The following TRHDE variants were observed in gnomAD, a reference collection of about 807,000 sequenced individuals.
TRHDE encodes thyrotropin-releasing hormone-degrading ectoenzyme.
Under a neutral mutation model 125.7 loss-of-function variants are expected in TRHDE, and 72 were observed. That is an observed-to-expected ratio of 0.57 (90% CI 0.47 to 0.70). The LOEUF is 0.70. Ranked by LOEUF, TRHDE falls within the 30% of genes least tolerant of loss-of-function variation. The probability of loss-of-function intolerance (pLI) is 0.00; values close to 1 mark genes in which losing one functional copy is unlikely to be tolerated. For synonymous variants in TRHDE, 509 were observed against 509.1 expected (o/e 1.00, Z 0.00); for missense variants, 1,110 against 1,327.1 (o/e 0.84, Z 2.54).
At position 72,473,665 on chromosome 12, in the gene TRHDE, C is replaced by T. The variant is rs531696678; in HGVS notation, c.1584+485C>T. 3.3e-5 allele frequency among the ~76,000 whole-genome samples: 5 copies of T among 151,936 alleles called. No individual in the cohort carries two copies. The South Asian group carries it at 1.0e-3, about 32-fold the overall frequency. ...CATTAATTTTATATATGAAGTTATT[C>T]ATATTATACCTATACTTTAGGAATG... On this transcript the variant is annotated intron_variant, in intron 5 of 18. Transcript: ENST00000261180.
At chr12:72,279,535 C>G (rs1297658558) in intron 1 of TRHDE, among the ~76,000 whole-genome samples, 1 of 152,200 alleles carries the variant, frequency 6.6e-6, no homozygotes, top group Non-Finnish European at 1.5e-5. Flanking sequence ...TGCATACTTT[C>G]TCCCACAGAT....
rs188586540 is a variant in TRHDE, at chr12:72,597,449, C to T, written c.2322-21442C>T. Among the ~76,000 whole-genome samples, 329 of 151,850 alleles carry T rather than the reference C, an allele frequency of 2.2e-3. 3 individuals are homozygous for T. The highest frequency in any genetic ancestry group is 7.1e-3 in the African/African-American group (294 of 41,416). ...TTGGGAGGCTGAGGCAGGCAGATCA[C>T]CTGAGGTCAGGAGTTCGAGACCAGC... On this transcript the variant is annotated intron_variant, in intron 12 of 18. Coordinates refer to ENST00000261180, the MANE Select transcript of TRHDE (RefSeq NM_013381.3).
chr12:72,119,156 G>A (rs1437484713), intron 2 of TRHDE, among the ~76,000 whole-genome samples: 2 of 151,806 alleles, frequency 1.3e-5, no homozygotes, highest in Non-Finnish European at 2.9e-5. Context: ...TTTTTCTTCT[G>A]TTATGACATA....
intron 2 of TRHDE, among the ~76,000 whole-genome samples, chr12:72,292,876 C>T (rs935574023): frequency 2.0e-5 from 3 of 152,102 alleles, no homozygotes; most frequent in African/African-American, 7.2e-5. Context: ...AAAAAGTAAC[C>T]ATTTTTAATG....
chr12:72,304,644 A>G (rs1215371585), intron 2 of TRHDE, among the ~76,000 whole-genome samples: 1 of 152,184 alleles, frequency 6.6e-6, no homozygotes, highest in Non-Finnish European at 1.5e-5. Context: ...TCTTAAAGCA[A>G]TGTCTGTCTG....
chr12:72,350,347 C>T (rs373451463), intron 2 of TRHDE, among the ~76,000 whole-genome samples: 3 of 151,956 alleles, frequency 2.0e-5, no homozygotes, highest in Admixed American at 6.6e-5. Flanking sequence ...GCAGTAATGG[C>T]GATGATAGCT....
At chr12:72,507,047 C>A (rs531077092) in intron 6 of TRHDE, among the ~76,000 whole-genome samples, 7 of 152,106 alleles carry the variant, frequency 4.6e-5, no homozygotes, top group African/African-American at 1.7e-4. Context: ...CTTGCTCAAG[C>A]CTTGTAAGAT....
intron 12 of TRHDE, among the ~76,000 whole-genome samples, chr12:72,589,061 C>G (rs1167862287): frequency 6.6e-6 from 1 of 152,104 alleles, no homozygotes; most frequent in African/African-American, 2.4e-5. Flanking sequence ...GGGGATCATG[C>G]GAACTACAAG....
At chr12:72,202,371 G>C (rs1877577427) in intron 2 of TRHDE, among the ~76,000 whole-genome samples, 1 of 152,146 alleles carries the variant, frequency 6.6e-6, no homozygotes, top group Admixed American at 6.5e-5. Context: ...TCAATAATAT[G>C]AATTTGGCAT....
Position 72,272,372 on chromosome 12 carries a change from G to A in TRHDE, c.-272G>A, listed in dbSNP as rs1257657195. The A allele has an allele frequency of 3.2e-5, 12 of 377,366 alleles. No individual in the cohort carries two copies. The highest frequency in any genetic ancestry group is 6.2e-5 in the Non-Finnish European group (12 of 194,742). 23.4% of individuals were successfully genotyped at this position (377,366 alleles called of 1,614,324 possible). On this transcript the variant is annotated 5_prime_UTR_variant, in exon 1 of 19. Coordinates refer to ENST00000261180, the MANE Select transcript of TRHDE (RefSeq NM_013381.3). The surrounding 1 kb of genome is among the most constrained non-coding windows in gnomAD (Gnocchi z 6.7). ...GCCCCGCCGCCGGGTGCTCGTCCGA[G>A]AAGTAGCGCGCGCTGGGCAAGCAAG...
chr12:72,607,870 C>A (rs1872512416), intron 12 of TRHDE, among the ~76,000 whole-genome samples: 1 of 152,194 alleles, frequency 6.6e-6, no homozygotes, highest in Admixed American at 6.5e-5. Flanking sequence ...AGCCATCATT[C>A]CCTTTAGCAT....
chr12:72,131,628 T>C (rs1478628917), intron 2 of TRHDE, among the ~76,000 whole-genome samples: 5 of 152,236 alleles, frequency 3.3e-5, no homozygotes, highest in African/African-American at 4.8e-5. Flanking sequence ...GTTAACAAAA[T>C]GATCCTCAAA....
chr12:72,624,165 G>C (rs1873163905), intron 15 of TRHDE, among the ~76,000 whole-genome samples: 1 of 151,880 alleles, frequency 6.6e-6, no homozygotes. Flanking sequence ...GTATTTTTTG[G>C]ATGACAGCTT....
chr12:72,436,177 A>T (rs1272808350), intron 3 of TRHDE, among the ~76,000 whole-genome samples: 1 of 152,006 alleles, frequency 6.6e-6, no homozygotes, highest in Non-Finnish European at 1.5e-5. Context: ...ACTTATTGAA[A>T]ATATTTTTCT....
rs757047976 is a variant in TRHDE at position 72,636,020 on chromosome 12, T to G, written c.2675+14269T>G. Among the ~76,000 whole-genome samples the G allele has an allele frequency of 1.7e-3, 261 of 150,578 alleles. 1 individual carries two copies. Among genetic ancestry groups the G allele is most frequent in the Non-Finnish European group, 3.0e-3 (200 of 66,928 alleles). On this transcript the variant is annotated intron_variant, in intron 15 of 18. Transcript: ENST00000261180. ...TGGTTCCATATGAACTTTAAAGTAG[T>G]TTTTTCCAATTCTGTGAAGAAAGTC...
At chr12:72,213,888 T>A (rs1877834509) in intron 2 of TRHDE, among the ~76,000 whole-genome samples, 1 of 152,168 alleles carries the variant, frequency 6.6e-6, no homozygotes, top group African/African-American at 2.4e-5. Flanking sequence ...ACTAATACTT[T>A]AGATCTCCTT....
intron 2 of TRHDE, among the ~76,000 whole-genome samples, chr12:72,148,398 C>CA (rs377433661): frequency 1.2e-3 from 187 of 151,750 alleles, no homozygotes; most frequent in East Asian, 5.0e-3. Context: ...TTTAAAGTAG[C>CA]AAAAAAAATC....
At chr12:72,142,430 T>G (rs1741255713) in intron 2 of TRHDE, among the ~76,000 whole-genome samples, 1 of 152,192 alleles carries the variant, frequency 6.6e-6, no homozygotes, top group Non-Finnish European at 1.5e-5. Context: ...GGGCTGAAGC[T>G]GCTGCAGACC....
intron 9 of TRHDE, among the ~76,000 whole-genome samples, chr12:72,564,972 C>CT (rs1833751128): frequency 1.3e-5 from 2 of 151,994 alleles, no homozygotes; most frequent in East Asian, 1.9e-4. Flanking sequence ...ATTTTGAACT[C>CT]TGAGAACTTG....
Sources: gnomAD v4.1 joint callset for allele counts (sites outside exome capture counted in the v4.1 genomes callset) on GRCh38, gnomAD v4.1.1 for gene constraint, Gnocchi (gnomAD v3.1) non-coding constraint, MANE v1.5 for transcripts, NCBI Gene and HGNC (gene_info 2026-07-23, HGNC 2026-07-21) for gene names.